The following PTAR1 variants were observed in gnomAD, a reference collection of about 807,000 sequenced individuals.
PTAR1 encodes the protein protein prenyltransferase alpha subunit repeat containing 1.
In PTAR1, 17 loss-of-function variants were observed where a neutral mutation model predicts 45.5. The observed-to-expected ratio is 0.37, with a 90% CI of 0.26 to 0.56. PTAR1 has a LOEUF of 0.56. PTAR1 is among the 20% of genes least tolerant of loss of function. PTAR1 has a pLI of 0.77. For synonymous variants in PTAR1, 169 were observed against 171.3 expected (o/e 0.99, Z 0.11); for missense variants, 391 against 476.3 (o/e 0.82, Z 1.67).
intron 5 of PTAR1, among the ~76,000 whole-genome samples, chr9:69,731,141 T>C (rs1205682765): frequency 1.3e-5 from 2 of 152,118 alleles, no homozygotes; most frequent in South Asian, 2.1e-4. Flanking sequence ...TCCAGAATTA[T>C]TGGCTTAAAA....
intron 2 of PTAR1, among the ~76,000 whole-genome samples, chr9:69,746,907 T>C (rs1826298984): frequency 6.6e-6 from 1 of 152,230 alleles, no homozygotes. Context: ...AAGGTTTTCG[T>C]GCATCTAGAA....
At chr9:69,722,581 T>C (rs1459077340) in intron 6 of PTAR1, among the ~76,000 whole-genome samples, 3 of 152,060 alleles carry the variant, frequency 2.0e-5, no homozygotes, top group African/African-American at 7.2e-5. Flanking sequence ...TACCTTATTC[T>C]TGGGGTCTAA....
chr9:69,744,829 T>C (rs1588475760), intron 2 of PTAR1, among the ~76,000 whole-genome samples: 1 of 152,220 alleles, frequency 6.6e-6, no homozygotes, highest in Non-Finnish European at 1.5e-5. Context: ...GCATCTACAA[T>C]AAGCCAGGTA....
At chr9:69,733,158 A>G (rs1309366609) in intron 4 of PTAR1, among the ~76,000 whole-genome samples, 1 of 152,218 alleles carries the variant, frequency 6.6e-6, no homozygotes, top group African/African-American at 2.4e-5. Flanking sequence ...AAAAAAAATT[A>G]GACAAGCCAA....
In PTAR1 at chr9:69,714,417, G is replaced by A. The variant is rs975848080; in HGVS notation, c.*3925C>T. The A allele has an allele frequency of 1.3e-5, 2 of 151,900 alleles. No homozygotes were observed. The highest frequency in any genetic ancestry group is 4.8e-5 in the African/African-American group (2 of 41,376). 9.4% of individuals were successfully genotyped at this position (151,900 alleles called of 1,614,324 possible). A position where few individuals can be genotyped will look rare whatever the true frequency, so the allele number is the denominator to read the frequency against. On this transcript the variant is annotated 3_prime_UTR_variant, in exon 8 of 8. Transcript: ENST00000340434. ...AGGGGAACTAAGGTAGGGATTATTA[G>A]ATTGTTGTACAGTAGGTGGTATCTG...
rs905766888 is a variant in PTAR1 at position 69,709,579 on chromosome 9, C to T, written c.*8763G>A. ...TTGCAAACATTTAGCAAAGGTAAGA[C>T]AAATACTATTTTCCATATTCTACAG... On this transcript the variant is annotated 3_prime_UTR_variant, in exon 8 of 8. Coordinates refer to ENST00000340434, the MANE Select transcript of PTAR1 (RefSeq NM_001099666.2). 1 of 152,128 alleles carries T rather than the reference C, an allele frequency of 6.6e-6. No homozygotes were observed. The highest frequency in any genetic ancestry group is 2.4e-5 in the African/African-American group (1 of 41,450). The allele number at this position is 152,128 out of a possible 1,614,324, so 9.4% of individuals were successfully genotyped here.
At chr9:69,729,031 A>G (rs1047275363) in intron 5 of PTAR1, among the ~76,000 whole-genome samples, 4 of 152,200 alleles carry the variant, frequency 2.6e-5, no homozygotes, top group African/African-American at 9.6e-5. Flanking sequence ...TAAAAATTAT[A>G]TTAGGCTGCT....
chr9:69,712,778 C>G lies in PTAR1; in HGVS notation c.*5564G>C, dbSNP rs1165469443. 2.6e-5 allele frequency: 4 copies of G among 152,020 alleles called. No homozygotes were observed. Among genetic ancestry groups the G allele is most frequent in the Non-Finnish European group, 5.9e-5 (4 of 67,962 alleles). The allele number at this position is 152,020 out of a possible 1,614,324, so 9.4% of individuals were successfully genotyped here. A position where few individuals can be genotyped will look rare whatever the true frequency, so the allele number is the denominator to read the frequency against. Reference sequence around the variant, plus strand: ...GAATGATGTCAACTAAAACAAAATACAATCATCCCCACCTCTACCAAAGAT... The same window carrying G: ...GAATGATGTCAACTAAAACAAAATAGAATCATCCCCACCTCTACCAAAGAT... On this transcript the variant is annotated 3_prime_UTR_variant, in exon 8 of 8. Transcript: ENST00000340434.
intron 1 of PTAR1, among the ~76,000 whole-genome samples, chr9:69,756,774 C>A (rs1456459409): frequency 1.3e-5 from 2 of 152,320 alleles, no homozygotes; most frequent in Admixed American, 1.3e-4. Context: ...GCTCATCATG[C>A]TCCTATCCAA....
chr9:69,744,219 A>G (rs1371254009), intron 2 of PTAR1, among the ~76,000 whole-genome samples: 1 of 152,028 alleles, frequency 6.6e-6, no homozygotes, highest in Non-Finnish European at 1.5e-5. Flanking sequence ...CCACTGTCCT[A>G]TGAACACACG....
Position 69,711,473 on chromosome 9 carries a change from A to C in PTAR1, c.*6869T>G, listed in dbSNP as rs1588432959. 6.6e-6 allele frequency: 1 copy of C among 152,206 alleles called. No individual in the cohort carries two copies. The highest frequency in any genetic ancestry group is 2.4e-5 in the African/African-American group (1 of 41,468). 9.4% of individuals were successfully genotyped at this position (152,206 alleles called of 1,614,324 possible). Reference sequence around the variant, plus strand: ...TATCATTCACAAAAAGTTCTTCCTCATGCCAAAGATGTTCTGAGAAAACAA... The same window carrying C: ...TATCATTCACAAAAAGTTCTTCCTCCTGCCAAAGATGTTCTGAGAAAACAA... On this transcript the variant is annotated 3_prime_UTR_variant, in exon 8 of 8. Transcript: ENST00000340434.
intron 3 of PTAR1, among the ~76,000 whole-genome samples, chr9:69,740,632 T>C (rs1359721285): frequency 2.0e-5 from 3 of 148,630 alleles, no homozygotes; most frequent in Admixed American, 6.8e-5. Flanking sequence ...GCACTAGAGT[T>C]AGATGCTAAG....
intron 2 of PTAR1, among the ~76,000 whole-genome samples, chr9:69,743,359 T>C (rs1826124905): frequency 6.6e-6 from 1 of 152,080 alleles, no homozygotes; most frequent in Admixed American, 6.5e-5. Flanking sequence ...TTAAGTAAAA[T>C]ATAAACTTTT....
chr9:69,740,071 T>C (rs1335109898), intron 3 of PTAR1, among the ~76,000 whole-genome samples: 1 of 152,184 alleles, frequency 6.6e-6, no homozygotes, highest in Non-Finnish European at 1.5e-5. Flanking sequence ...ATACTCAAAG[T>C]CAGCCGCTAG....
At chr9:69,757,556 A>C (rs1826844143) in intron 1 of PTAR1, 1 of 152,154 alleles carries the variant, frequency 6.6e-6, no homozygotes, top group Non-Finnish European at 1.5e-5. Context: ...TCCACATCTC[A>C]CCACTGCATC....
At chr9:69,732,488 T>C (rs1825585009) in intron 4 of PTAR1, 136 bp from the exon 5 acceptor site, 1 of 650,538 alleles carries the variant, frequency 1.5e-6, no homozygotes, top group African/African-American at 1.8e-5. Context: ...AGTCTAGTAT[T>C]TTGGAGATGG....
chr9:69,747,585 A>G (rs573561472), intron 2 of PTAR1, among the ~76,000 whole-genome samples: 41 of 152,192 alleles, frequency 2.7e-4, no homozygotes, highest in African/African-American at 9.4e-4. Flanking sequence ...ATCAACTAAC[A>G]CTCTGCCGCA....
Position 69,714,865 on chromosome 9 carries a change from A to G in PTAR1, c.*3477T>C, listed in dbSNP as rs941647062. The G allele has an allele frequency of 6.6e-6, 1 of 152,110 alleles. No homozygotes were observed. The highest frequency in any genetic ancestry group is 2.4e-5 in the African/African-American group (1 of 41,460). 9.4% of individuals were successfully genotyped at this position (152,110 alleles called of 1,614,324 possible). A position where few individuals can be genotyped will look rare whatever the true frequency, so the allele number is the denominator to read the frequency against. On this transcript the variant is annotated 3_prime_UTR_variant, in exon 8 of 8. Coordinates refer to ENST00000340434, the MANE Select transcript of PTAR1 (RefSeq NM_001099666.2). Reference sequence around the variant, plus strand: ...GACATTAATACATATCAAATCCCTAAGCTTAAAAAATGACTCATACAGATT... The same window carrying G: ...GACATTAATACATATCAAATCCCTAGGCTTAAAAAATGACTCATACAGATT...
intron 2 of PTAR1, among the ~76,000 whole-genome samples, chr9:69,747,029 T>C (rs1400095266): frequency 5.3e-5 from 8 of 152,194 alleles, no homozygotes; most frequent in Non-Finnish European, 1.2e-4. Flanking sequence ...AGAGAGGCCT[T>C]GTTTATTATA....
Sources: allele counts gnomAD v4.1 joint callset (sites outside exome capture counted in the v4.1 genomes callset), GRCh38; gene constraint gnomAD v4.1.1; transcripts MANE v1.5; gene names NCBI Gene and HGNC (gene_info 2026-07-23, HGNC 2026-07-21).